Variants in INSC observed in about 807,000 individuals in gnomAD.
INSC encodes the protein protein inscuteable homolog.
A neutral mutation model predicts 58.6 loss-of-function variants in INSC; 67 were observed. The ratio of observed to expected loss-of-function variants is 1.14; its 90% CI spans 0.94 to 1.40. The LOEUF is 1.40. Ranked by LOEUF, INSC falls within the 40% of genes most tolerant of loss-of-function variation. The pLI is 0.00. For missense variants in INSC, 714 were observed against 692.0 expected (o/e 1.03, Z -0.36); for synonymous variants, 262 against 276.1 (o/e 0.95, Z 0.51).
At chr11:15,140,837 G>T (rs144967758) in intron 1 of INSC, among the ~76,000 whole-genome samples, 3 of 151,758 alleles carry the variant, frequency 2.0e-5, no homozygotes, top group African/African-American at 4.8e-5. Flanking sequence ...CTCTTGCCTC[G>T]GTCTCTCAAA....
chr11:15,197,458 G>A (rs1050783994), intron 6 of INSC, among the ~76,000 whole-genome samples: 1 of 152,154 alleles, frequency 6.6e-6, no homozygotes, highest in South Asian at 2.1e-4. Flanking sequence ...GGAGTCCCTG[G>A]CATGCCCTGC....
the INSC span, among the ~76,000 whole-genome samples, chr11:15,259,447 A>G: frequency 1.4e-4 from 22 of 152,212 alleles, no homozygotes; most frequent in Non-Finnish European, 3.1e-4. Context: ...AGGAACTATT[A>G]TGACAAAATA....
intron 2 of INSC, among the ~76,000 whole-genome samples, chr11:15,169,409 C>A (rs1177618156): frequency 1.3e-5 from 2 of 152,186 alleles, no homozygotes; most frequent in Admixed American, 1.3e-4. Flanking sequence ...CTGTTCCTGG[C>A]TCTTTAGCCA....
chr11:15,147,075 G>A (rs1458269989), intron 1 of INSC, among the ~76,000 whole-genome samples: 2 of 152,122 alleles, frequency 1.3e-5, no homozygotes, highest in African/African-American at 2.4e-5. Context: ...TGATGAAGAT[G>A]TTGAAGTAAA....
intron 5 of INSC, among the ~76,000 whole-genome samples, chr11:15,179,260 C>G (rs935327363): frequency 1.6e-4 from 25 of 152,178 alleles, no homozygotes; most frequent in African/African-American, 5.8e-4. Context: ...TGTTATTTCC[C>G]TCCCTTACCC....
At chr11:15,233,167 T>G (rs571222511) in intron 9 of INSC, among the ~76,000 whole-genome samples, 4 of 152,298 alleles carry the variant, frequency 2.6e-5, no homozygotes, top group African/African-American at 9.6e-5. Context: ...ACCTAGGGCC[T>G]TTCTCAAGGT....
chr11:15,205,545 G>A (rs1388295513), intron 7 of INSC, among the ~76,000 whole-genome samples: 7 of 152,208 alleles, frequency 4.6e-5, no homozygotes, highest in African/African-American at 1.7e-4. Context: ...CAGGTATAAT[G>A]CTAATCACTT....
chr11:15,118,905 A>G (rs1381576735), intron 1 of INSC, among the ~76,000 whole-genome samples: 1 of 152,180 alleles, frequency 6.6e-6, no homozygotes, highest in Non-Finnish European at 1.5e-5. Flanking sequence ...TGAAACCTCT[A>G]TACCAACTCT....
intron 1 of INSC, among the ~76,000 whole-genome samples, chr11:15,147,346 G>A (rs533827141): frequency 6.6e-6 from 1 of 152,168 alleles, no homozygotes; most frequent in Non-Finnish European, 1.5e-5. Context: ...TGTGCTAAGT[G>A]TGTGACCTGC....
chr11:15,214,580 G>A (rs1851144727), intron 7 of INSC, among the ~76,000 whole-genome samples: 1 of 152,182 alleles, frequency 6.6e-6, no homozygotes, highest in African/African-American at 2.4e-5. Context: ...CCAATAATCA[G>A]TAGGAGAATG....
intron 7 of INSC, among the ~76,000 whole-genome samples, chr11:15,205,703 C>G (rs1303157377): frequency 6.6e-6 from 1 of 152,070 alleles, no homozygotes; most frequent in Non-Finnish European, 1.5e-5. Context: ...ACAGTCTTTC[C>G]CTTTAACAGA....
At chr11:15,195,546 A>G (rs894786478) in intron 6 of INSC, among the ~76,000 whole-genome samples, 1 of 152,190 alleles carries the variant, frequency 6.6e-6, no homozygotes, top group Non-Finnish European at 1.5e-5. Context: ...GCCGCTTGAT[A>G]TAGACAGCTC....
chr11:15,155,176 A>G (rs1369222924), intron 2 of INSC, among the ~76,000 whole-genome samples: 2 of 152,178 alleles, frequency 1.3e-5, no homozygotes, highest in Non-Finnish European at 2.9e-5. Context: ...CCCTCTGGCT[A>G]CACTTAGCAA....
chr11:15,230,013 AATATAT>A (rs1376517539), intron 9 of INSC, among the ~76,000 whole-genome samples: 3 of 23,862 alleles, frequency 1.3e-4, no homozygotes, highest in Non-Finnish European at 6.9e-5. Context: ...ATATATATAT[AATATAT>A]ATATATATAT....
chr11:15,170,029 A>G (rs1714369), intron 2 of INSC, among the ~76,000 whole-genome samples: 115,469 of 152,122 alleles, frequency 0.76, 45,564 homozygotes, highest in East Asian at 0.98. Flanking sequence ...ATTGCTTAAT[A>G]CTTGCATATA....
At chr11:15,159,118 G>A (rs988783434) in intron 2 of INSC, among the ~76,000 whole-genome samples, 14 of 152,278 alleles carry the variant, frequency 9.2e-5, no homozygotes, top group African/African-American at 3.4e-4. Flanking sequence ...TGCAGCCCCA[G>A]GTGAAGGATC....
chr11:15,235,524 C>T (rs1247624432), intron 9 of INSC, 78 bp from the exon 10 acceptor site: 3 of 1,108,688 alleles, frequency 2.7e-6, no homozygotes, highest in Non-Finnish European at 4.2e-6. Flanking sequence ...TTTGTAGCCC[C>T]TGGCTGACCT....
At chr11:15,193,979 C>G (rs1398922629) in intron 6 of INSC, among the ~76,000 whole-genome samples, 1 of 152,196 alleles carries the variant, frequency 6.6e-6, no homozygotes, top group African/African-American at 2.4e-5. Flanking sequence ...AAGCATGTCT[C>G]TCACACTCAA....
chr11:15,207,222 A>G lies in INSC; in HGVS notation c.819+6273A>G, dbSNP rs573289485. Among the ~76,000 whole-genome samples the G allele has an allele frequency of 9.8e-5, 15 of 152,348 alleles. No homozygotes were observed. The East Asian group carries it at 2.7e-3, about 27-fold the overall frequency. ...CCAAGGCTCAGACAACCTTCAGGAC[A>G]GTTCTGGTCATTGTCTTTTCCAGAA... On this transcript the variant is annotated intron_variant, in intron 7 of 12. Transcript: ENST00000379556.
Sources: gnomAD v4.1 joint callset for allele counts (sites outside exome capture counted in the v4.1 genomes callset) on GRCh38, gnomAD v4.1.1 for gene constraint, MANE v1.5 for transcripts, NCBI Gene and HGNC (gene_info 2026-07-23, HGNC 2026-07-21) for gene names.